The following PARD3B variants were observed in gnomAD, a reference collection of about 807,000 sequenced individuals.
The protein encoded by PARD3B is partitioning defective 3 homolog B.
In PARD3B, 103 loss-of-function variants were observed where a neutral mutation model predicts 130.2. The ratio of observed to expected loss-of-function variants is 0.79; its 90% CI spans 0.67 to 0.93. The LOEUF (loss-of-function observed/expected upper bound fraction) is 0.93, where lower values mean the gene tolerates loss of function less well. Among genes scored for constraint, PARD3B ranks in the 40% least tolerant of loss-of-function variants. PARD3B has a pLI of 0.00. For missense variants in PARD3B, 1,609 were observed against 1,499.2 expected (o/e 1.07, Z -1.21); for synonymous variants, 583 against 553.2 (o/e 1.05, Z -0.76).
chr2:205,506,983 T>C (rs2050390851), intron 21 of PARD3B, among the ~76,000 whole-genome samples: 1 of 152,070 alleles, frequency 6.6e-6, no homozygotes, highest in Non-Finnish European at 1.5e-5. Flanking sequence ...TTTGCTATTC[T>C]CTCTGCAGGC....
At chr2:205,602,764 A>G (rs551246881) in intron 22 of PARD3B, among the ~76,000 whole-genome samples, 1 of 152,078 alleles carries the variant, frequency 6.6e-6, no homozygotes, top group African/African-American at 2.4e-5. Flanking sequence ...TTTCTTCTTT[A>G]TTAGTCTAGC....
intron 4 of PARD3B, among the ~76,000 whole-genome samples, chr2:205,086,080 A>G (rs1452696932): frequency 6.6e-6 from 1 of 152,228 alleles, no homozygotes; most frequent in Non-Finnish European, 1.5e-5. Flanking sequence ...TATTAGTTGC[A>G]TAGCTTTATT....
At chr2:204,698,751 G>A (rs1175671906) in intron 2 of PARD3B, among the ~76,000 whole-genome samples, 1 of 152,044 alleles carries the variant, frequency 6.6e-6, no homozygotes, top group South Asian at 2.1e-4. Flanking sequence ...GTCAATGCGT[G>A]GTCTTACAGA....
intron 15 of PARD3B, among the ~76,000 whole-genome samples, chr2:205,218,080 G>T (rs994683904): frequency 2.0e-5 from 3 of 150,950 alleles, no homozygotes; most frequent in Non-Finnish European, 3.0e-5. Context: ...TTTAATAGAG[G>T]TGGGGTTTCA....
chr2:204,861,204 C>CTT (rs2045180426), intron 2 of PARD3B, among the ~76,000 whole-genome samples: 2 of 129,864 alleles, frequency 1.5e-5, no homozygotes, highest in African/African-American at 3.4e-5. Context: ...CTCTCTCTCT[C>CTT]TCTCTCTCTC....
At chr2:205,612,175 CAG>C (rs576262046) in intron 22 of PARD3B, among the ~76,000 whole-genome samples, 202 of 152,308 alleles carry the variant, frequency 1.3e-3, no homozygotes, top group African/African-American at 4.5e-3. Context: ...CTTCTTGAGA[CAG>C]AGTCTCTTTC....
intron 13 of PARD3B, among the ~76,000 whole-genome samples, chr2:205,181,469 A>T (rs1181369166): frequency 1.3e-5 from 2 of 152,232 alleles, no homozygotes; most frequent in African/African-American, 4.8e-5. Context: ...TTGTCCTTAA[A>T]GTGCAAGATA....
rs2047092598 is a variant in PARD3B at position 204,907,862 on chromosome 2, C to T, written c.223-57290C>T. ...GACTACAGGTGTGTGGTAGCACGCC[C>T]AGCTGATTTTTGTATTTTTTGTAGA... On this transcript the variant is annotated intron_variant, in intron 2 of 22. Transcript: ENST00000406610. This position sits in a 1 kb window ranked among gnomAD's most constrained non-coding sequence, Gnocchi z 5.7. Among the ~76,000 whole-genome samples the T allele has an allele frequency of 6.6e-6, 1 of 151,976 alleles. No individual in the cohort carries two copies. The highest frequency in any genetic ancestry group is 1.5e-5 in the Non-Finnish European group (1 of 68,008).
intron 4 of PARD3B, among the ~76,000 whole-genome samples, chr2:205,068,341 G>A (rs1294317064): frequency 6.6e-6 from 1 of 152,106 alleles, no homozygotes; most frequent in Admixed American, 6.5e-5. Flanking sequence ...GTGTAGTTAT[G>A]TTCTCCACCT....
intron 4 of PARD3B, among the ~76,000 whole-genome samples, chr2:205,073,425 A>C (rs984944838): frequency 5.3e-5 from 8 of 152,202 alleles, no homozygotes; most frequent in Non-Finnish European, 1.0e-4. Flanking sequence ...GATAAAACTG[A>C]AATAAAATTA....
intron 1 of PARD3B, among the ~76,000 whole-genome samples, chr2:204,549,194 G>C (rs2030248514): frequency 6.6e-6 from 1 of 152,146 alleles, no homozygotes; most frequent in Non-Finnish European, 1.5e-5. Context: ...ATGCTCTGAA[G>C]TCTGGGCCTT....
At chr2:204,803,185 C>T (rs2042640954) in intron 2 of PARD3B, among the ~76,000 whole-genome samples, 1 of 134,738 alleles carries the variant, frequency 7.4e-6, no homozygotes, top group Non-Finnish European at 1.6e-5. Context: ...TATATATAAT[C>T]CTAGATAGTA....
At chr2:205,159,974 C>G (rs1203476743) in intron 11 of PARD3B, among the ~76,000 whole-genome samples, 1 of 152,160 alleles carries the variant, frequency 6.6e-6, no homozygotes, top group Non-Finnish European at 1.5e-5. Context: ...AATGTCTATC[C>G]TCTCCCACAG....
rs1012745952 is a variant in PARD3B, at chr2:205,446,764, A to T, written c.3044+6092A>T. Among the ~76,000 whole-genome samples the T allele has an allele frequency of 6.6e-6, 1 of 152,210 alleles. No homozygotes were observed. Among genetic ancestry groups the T allele is most frequent in the Non-Finnish European group, 1.5e-5 (1 of 68,032 alleles). ...GGTTCTTCCAGGATTTGAACGTAGC[A>T]TGGGTTAAATCCTGCCCTCAAAGCC... On this transcript the variant is annotated intron_variant, in intron 20 of 22. Coordinates refer to ENST00000406610, the MANE Select transcript of PARD3B (RefSeq NM_001302769.2). This position sits in a 1 kb window ranked among gnomAD's most constrained non-coding sequence, Gnocchi z 4.4.
chr2:205,403,402 G>A (rs542256590), intron 19 of PARD3B, among the ~76,000 whole-genome samples: 2 of 152,278 alleles, frequency 1.3e-5, no homozygotes, highest in East Asian at 3.9e-4. Flanking sequence ...ATTGGCTATA[G>A]TGAGTATATT....
At chr2:205,428,715 T>C (rs1383906211) in intron 19 of PARD3B, among the ~76,000 whole-genome samples, 2 of 152,170 alleles carry the variant, frequency 1.3e-5, no homozygotes, top group Non-Finnish European at 2.9e-5. Context: ...GGAATAAATA[T>C]ACAATATTAA....
intron 1 of PARD3B, among the ~76,000 whole-genome samples, chr2:204,680,750 T>A (rs185789782): frequency 6.6e-6 from 1 of 152,122 alleles, no homozygotes; most frequent in Non-Finnish European, 1.5e-5. Flanking sequence ...CATCTATGGA[T>A]TTTTCAGTAC....
intron 4 of PARD3B, 51 bp downstream of exon 4, chr2:205,047,741 C>A: frequency 7.4e-7 from 1 of 1,352,862 alleles, no homozygotes. Flanking sequence ...GTGCTGTACC[C>A]ATAGGTTAAG....
chr2:205,409,962 G>T (rs2046542213), intron 19 of PARD3B, among the ~76,000 whole-genome samples: 1 of 152,116 alleles, frequency 6.6e-6, no homozygotes, highest in Non-Finnish European at 1.5e-5. Context: ...ATTAAATACA[G>T]AAATAGATAT....
Sources: gnomAD v4.1 joint callset for allele counts (sites outside exome capture counted in the v4.1 genomes callset) on GRCh38, gnomAD v4.1.1 for gene constraint, Gnocchi (gnomAD v3.1) non-coding constraint, MANE v1.5 for transcripts, NCBI Gene and HGNC (gene_info 2026-07-23, HGNC 2026-07-21) for gene names.